The following SLC44A5 variants were observed in gnomAD, a reference collection of about 807,000 sequenced individuals.
SLC44A5 encodes solute carrier family 44 member 5.
Under a neutral mutation model 101.8 loss-of-function variants are expected in SLC44A5, and 57 were observed. The ratio of observed to expected loss-of-function variants is 0.56; its 90% CI spans 0.45 to 0.70. The LOEUF (loss-of-function observed/expected upper bound fraction) is 0.70, where lower values mean the gene tolerates loss of function less well. SLC44A5 is among the 30% of genes least tolerant of loss of function. The pLI, the probability that SLC44A5 is intolerant of heterozygous loss-of-function variation, is 0.00. For synonymous variants in SLC44A5, 281 were observed against 290.9 expected (o/e 0.97, Z 0.35); for missense variants, 737 against 853.1 (o/e 0.86, Z 1.70).
the SLC44A5 span, among the ~76,000 whole-genome samples, chr1:75,721,468 C>A: frequency 3.1e-3 from 476 of 152,254 alleles, 2 homozygotes; most frequent in Non-Finnish European, 4.8e-3. Flanking sequence ...ATGTATAGCC[C>A]AAGACAATTC....
chr1:75,694,675 T>G, the SLC44A5 span, among the ~76,000 whole-genome samples: 1 of 152,130 alleles, frequency 6.6e-6, no homozygotes, highest in Non-Finnish European at 1.5e-5. Context: ...AAATATTTAC[T>G]AATAGAAACA....
chr1:75,564,504 G>C (rs1388799000), intron 1 of SLC44A5, among the ~76,000 whole-genome samples: 2 of 151,780 alleles, frequency 1.3e-5, no homozygotes, highest in Non-Finnish European at 2.9e-5. Flanking sequence ...TCACCAAATA[G>C]AATGAATAAT....
intron 1 of SLC44A5, among the ~76,000 whole-genome samples, chr1:75,586,464 T>C (rs1674004005): frequency 7.5e-6 from 1 of 134,164 alleles, no homozygotes; most frequent in Admixed American, 7.4e-5. Context: ...AGAAATTATA[T>C]ATATATATAT....
chr1:75,520,339 T>G (rs1296673744), intron 2 of SLC44A5, among the ~76,000 whole-genome samples: 1 of 152,134 alleles, frequency 6.6e-6, no homozygotes, highest in Non-Finnish European at 1.5e-5. Flanking sequence ...AAAAATTGTT[T>G]TTAAATTGGG....
intron 2 of SLC44A5, among the ~76,000 whole-genome samples, chr1:75,418,530 C>T (rs890717821): frequency 6.6e-6 from 1 of 151,904 alleles, no homozygotes; most frequent in Non-Finnish European, 1.5e-5. Flanking sequence ...GTAATAGGTC[C>T]CTAAGAGAAA....
At chr1:75,642,734 T>A in the SLC44A5 span, among the ~76,000 whole-genome samples, 47 of 152,114 alleles carry the variant, frequency 3.1e-4, 1 homozygote, top group African/African-American at 1.1e-3. Flanking sequence ...ATAAATTAAA[T>A]TAATGGCCTT....
intron 2 of SLC44A5, among the ~76,000 whole-genome samples, chr1:75,430,260 T>C (rs1664541363): frequency 6.6e-6 from 1 of 152,128 alleles, no homozygotes; most frequent in African/African-American, 2.4e-5. Context: ...GGACACAGCA[T>C]TCCTCCCCTC....
chr1:75,616,223 C>T, the SLC44A5 span, among the ~76,000 whole-genome samples: 55 of 151,840 alleles, frequency 3.6e-4, no homozygotes, highest in East Asian at 0.01. Context: ...CTGACCTCCC[C>T]CTTCTCCACA....
chr1:75,274,975 C>T lies in SLC44A5; in HGVS notation c.243G>A (p.Gln81=). Residue 81 remains glutamine (Q), a synonymous_variant, in exon 6 of 24, where the codon CAG becomes CAA. Coordinates refer to ENST00000370859, the MANE Select transcript of SLC44A5 (RefSeq NM_001130058.2). ...PTDSQGHFCG[Q]KGTPNENKTI... The stretch of plus-strand genomic sequence containing the variant: ...ATACTCACTCATTGGGAGTGCCCTT[C>T]TGGCCACAAAAGTGGCCCTGGCTGT... 6.2e-7 allele frequency: 1 copy of T among 1,612,568 alleles called. No homozygotes were observed. Among genetic ancestry groups the T allele is most frequent in the Non-Finnish European group, 8.5e-7 (1 of 1,179,244 alleles).
chr1:75,202,318 T>A lies in SLC44A5; in HGVS notation c.*1409A>T, dbSNP rs1003863789. 1 of 152,178 alleles carries A rather than the reference T, an allele frequency of 6.6e-6. No homozygotes were observed. Among genetic ancestry groups the A allele is most frequent in the African/African-American group, 2.4e-5 (1 of 41,454 alleles). The allele number at this position is 152,178 out of a possible 1,614,324, so 9.4% of individuals were successfully genotyped here. ...TGCTCATGTGAGTTTATTTTTGGCA[T>A]AAAAGTATCTAAAGTCACATTTAAA... On this transcript the variant is annotated 3_prime_UTR_variant, in exon 24 of 24. Coordinates refer to ENST00000370859, the MANE Select transcript of SLC44A5 (RefSeq NM_001130058.2).
chr1:75,432,012 T>C (rs1475574529), intron 2 of SLC44A5, among the ~76,000 whole-genome samples: 2 of 152,150 alleles, frequency 1.3e-5, no homozygotes, highest in African/African-American at 2.4e-5. Flanking sequence ...TTAGAATATG[T>C]GAATGTCAAG....
At chr1:75,345,702 C>T (rs1393910673) in intron 3 of SLC44A5, among the ~76,000 whole-genome samples, 1 of 152,136 alleles carries the variant, frequency 6.6e-6, no homozygotes, top group East Asian at 1.9e-4. Flanking sequence ...ACAGCACATA[C>T]TTAGCTGTAA....
chr1:75,680,244 G>T, the SLC44A5 span, among the ~76,000 whole-genome samples: 1 of 151,556 alleles, frequency 6.6e-6, no homozygotes, highest in Admixed American at 6.6e-5. Flanking sequence ...ATTGAACTCA[G>T]CTCTGCACCA....
chr1:75,397,205 A>G (rs1159833482), intron 2 of SLC44A5, among the ~76,000 whole-genome samples: 4 of 152,160 alleles, frequency 2.6e-5, no homozygotes, highest in Admixed American at 2.0e-4. Flanking sequence ...GGTACAAATT[A>G]TGGTAATTTT....
intron 7 of SLC44A5, among the ~76,000 whole-genome samples, chr1:75,244,305 A>C (rs1648918444): frequency 6.6e-6 from 1 of 152,098 alleles, no homozygotes; most frequent in Non-Finnish European, 1.5e-5. Context: ...TTGTGTGATC[A>C]CTACCACAGG....
chr1:75,456,426 A>T (rs1014589632), intron 2 of SLC44A5, among the ~76,000 whole-genome samples: 1 of 152,192 alleles, frequency 6.6e-6, no homozygotes, highest in African/African-American at 2.4e-5. Flanking sequence ...ACAGGATCAC[A>T]TTTGTACTCC....
At chr1:75,635,660 G>A in the SLC44A5 span, among the ~76,000 whole-genome samples, 1 of 124,520 alleles carries the variant, frequency 8.0e-6, no homozygotes. Context: ...CTGTTGTGGG[G>A]TGGGGGGAGG....
intron 1 of SLC44A5, among the ~76,000 whole-genome samples, chr1:75,606,160 A>G (rs1459018723): frequency 1.3e-5 from 2 of 151,962 alleles, no homozygotes; most frequent in Admixed American, 1.3e-4. Context: ...GGACTGCCAC[A>G]GTCAGCAACA....
At chr1:75,618,439 T>C in the SLC44A5 span, among the ~76,000 whole-genome samples, 1 of 152,202 alleles carries the variant, frequency 6.6e-6, no homozygotes, top group Non-Finnish European at 1.5e-5. Flanking sequence ...TAGCCCACAC[T>C]GTGTGTTTTT....
Sources: gnomAD v4.1 joint callset for allele counts (sites outside exome capture counted in the v4.1 genomes callset) on GRCh38, gnomAD v4.1.1 for gene constraint, MANE v1.5 for transcripts, NCBI Gene and HGNC (gene_info 2026-07-23, HGNC 2026-07-21) for gene names.